The following DENND6B variants were observed in gnomAD, a reference collection of about 807,000 sequenced individuals.
DENND6B encodes the protein DENN domain containing 6B, also known as protein DENND6B.
A neutral mutation model predicts 85.1 loss-of-function variants in DENND6B; 73 were observed. That is an observed-to-expected ratio of 0.86 (90% confidence interval 0.71 to 1.04). DENND6B has a LOEUF of 1.04. Among genes scored for constraint, DENND6B ranks in the 50% least tolerant of loss-of-function variants. The pLI is 0.00. For synonymous variants in DENND6B, 357 were observed against 329.3 expected, an observed-to-expected ratio of 1.08 and a Z score of -0.91; for missense variants, 715 against 785.8, an observed-to-expected ratio of 0.91 and a Z score of 1.08.
chr22:50,317,354 A>G lies in DENND6B; in HGVS notation c.392T>C (p.Phe131Ser), dbSNP rs1389872210. The G allele has an allele frequency of 2.5e-6, 4 of 1,612,830 alleles. No homozygotes were observed. In the African/African-American group the frequency reaches 5.3e-5, roughly 22 times the overall value. ...VALQREPAHYFGYVYFRQVKD... is the reference protein window; with the variant it reads ...VALQREPAHYSGYVYFRQVKD... ...CACCTGCCTGAAGTACACGTAGCCG[A>G]AGTAGTGTGCCGGCTCCCTCTGCAA... The change falls in exon 5 of 20, where the codon TTC becomes TCC. Residue 131 changes from phenylalanine to serine, a missense_variant. Coordinates refer to ENST00000413817, the MANE Select transcript of DENND6B (RefSeq NM_001001794.4).
chr22:50,316,411 G>T lies in DENND6B; in HGVS notation c.518C>A (p.Ala173Asp). The T allele has an allele frequency of 6.3e-7, 1 of 1,588,110 alleles. No individual in the cohort carries two copies. Among genetic ancestry groups the T allele is most frequent in the Admixed American group, 1.8e-5 (1 of 56,096 alleles). The change falls in exon 6 of 20, where the codon GCC (alanine) becomes GAC (aspartate). Residue 173 changes from alanine to aspartate, a missense_variant. Ala to Asp is a moderately radical substitution (Grantham distance 126). Transcript: ENST00000413817. Reference sequence around the variant, plus strand: ...CGCCAGCTTGTCAAAGTACTCGGGGGCGATGAGGCTTAGCAGCGCTTGGAA... The same window carrying T: ...CGCCAGCTTGTCAAAGTACTCGGGGTCGATGAGGCTTAGCAGCGCTTGGAA... ...RLFQALLSLI[A>D]PEYFDKLAPC...
Position 50,312,436 on chromosome 22 carries a change from T to A in DENND6B, c.1561-19A>T. ...CGATGTTCTGCAGGGCAAGACGGGG[T>A]CTACTGTCAGCAAGGCCCCTCACTG... On this transcript the variant is annotated intron_variant, in intron 18 of 19. Transcript: ENST00000413817. 2 of 1,606,742 alleles carry A rather than the reference T, an allele frequency of 1.2e-6. No homozygotes were observed. The highest frequency in any genetic ancestry group is 1.7e-5 in the Admixed American group (1 of 59,188).
chr22:50,316,163 C>T lies in DENND6B; in HGVS notation c.639+11G>A. The T allele has an allele frequency of 6.2e-7, 1 of 1,612,504 alleles. No homozygotes were observed. Among genetic ancestry groups the T allele is most frequent in the Non-Finnish European group, 8.5e-7 (1 of 1,179,864 alleles). ...CCTGCAGAGCCTACTCCCCAGCCAG[C>T]TGGCTCTCACCTGGACAACAACGCC... On this transcript the variant is annotated intron_variant, in intron 7 of 19. Transcript: ENST00000413817.
At position 50,312,036 on chromosome 22, in the gene DENND6B, G is replaced by A; in HGVS notation, c.*103C>T. ...AGGGGAGCCTGCAGTCTGGGCGGGG[G>A]GCCAAGGAAGGGGAGCGTGTGCTTG... On this transcript the variant is annotated 3_prime_UTR_variant, in exon 20 of 20. Coordinates refer to ENST00000413817, the MANE Select transcript of DENND6B (RefSeq NM_001001794.4). 2 of 1,508,432 alleles carry A rather than the reference G, an allele frequency of 1.3e-6. No homozygotes were observed. Among genetic ancestry groups the A allele is most frequent in the East Asian group, 2.3e-5 (1 of 43,204 alleles). 93.4% of individuals were successfully genotyped at this position (1,508,432 alleles called of 1,614,324 possible).
Position 50,312,931 on chromosome 22 carries a change from G to A in DENND6B, c.1457+68C>T, listed in dbSNP as rs570248575. On this transcript the variant is annotated intron_variant, in intron 17 of 19. Transcript: ENST00000413817. Reference sequence around the variant, plus strand: ...GGGATGACCCTGGGGATTGACAGGCGGGGGGCCATGGGGCTGACCCTGTGG... The same window carrying A: ...GGGATGACCCTGGGGATTGACAGGCAGGGGGCCATGGGGCTGACCCTGTGG... The A allele has an allele frequency of 5.6e-5, 76 of 1,360,960 alleles. No individual in the cohort carries two copies. In the South Asian group the frequency reaches 7.2e-4, roughly 13 times the overall value. 84.3% of individuals were successfully genotyped at this position (1,360,960 alleles called of 1,614,324 possible).
chr22:50,326,911 G>A lies in DENND6B; in HGVS notation c.78C>T (p.Arg26=), dbSNP rs2042205322. The A allele has an allele frequency of 7.2e-7, 1 of 1,382,010 alleles. No homozygotes were observed. Among genetic ancestry groups the A allele is most frequent in the Non-Finnish European group, 9.4e-7 (1 of 1,067,812 alleles). The allele number at this position is 1,382,010 out of a possible 1,614,324, so 85.6% of individuals were successfully genotyped here. The part of the protein sequence containing the change: ...LGAAGPTSSG[R]AARTPAAPWA... ...AGGGCGCCGCCGGGGTCCGCGCCGC[G>A]CGACCTGAAGACGTGGGTCCAGCCG... Residue 26 remains arginine (R), a synonymous_variant, in exon 1 of 20, where the codon CGC becomes CGT. Coordinates refer to ENST00000413817, the MANE Select transcript of DENND6B (RefSeq NM_001001794.4).
Position 50,314,794 on chromosome 22 carries a change from G to A in DENND6B, c.881+5C>T, listed in dbSNP as rs376384403. On this transcript the variant is annotated splice_donor_5th_base_variant and intron_variant, in intron 10 of 19. Transcript: ENST00000413817. ...TCCCCAGCCGGGACCGGGCCAAGGC[G>A]ATACCTGGTCAAGGCCAGCACCATC... 518 of 1,602,564 alleles carry A rather than the reference G, an allele frequency of 3.2e-4. 6 individuals are homozygous for A. In the South Asian group the frequency reaches 4.4e-3, roughly 14 times the overall value.
rs1439864641 is a variant in DENND6B, at chr22:50,310,333, C to T, written c.*1806G>A. ...CATCCTTGGACCCTGCACCAGACAT[C>T]TGGGGCTTAACAGCTCCCCTTGGTC... On this transcript the variant is annotated 3_prime_UTR_variant, in exon 20 of 20. Transcript: ENST00000413817. 6.6e-6 allele frequency: 1 copy of T among 152,344 alleles called. No individual in the cohort carries two copies. The highest frequency in any genetic ancestry group is 1.5e-5 in the Non-Finnish European group (1 of 68,096). The allele number at this position is 152,344 out of a possible 1,614,324, so 9.4% of individuals were successfully genotyped here.
Position 50,309,272 on chromosome 22 carries a change from C to G in DENND6B, c.*2867G>C, listed in dbSNP as rs1279223517. On this transcript the variant is annotated 3_prime_UTR_variant, in exon 20 of 20. Coordinates refer to ENST00000413817, the MANE Select transcript of DENND6B (RefSeq NM_001001794.4). ...GGAGGCCTGTGACCACAGCAGTCCT[C>G]ACCCTCGCCAACTAAGTTCTGCCCA... is the stretch of plus-strand genomic sequence containing the variant. 1 of 152,346 alleles carries G rather than the reference C, an allele frequency of 6.6e-6. No homozygotes were observed. The highest frequency in any genetic ancestry group is 6.5e-5 in the Admixed American group (1 of 15,294). The allele number at this position is 152,346 out of a possible 1,614,324, so 9.4% of individuals were successfully genotyped here.
chr22:50,312,286 C>T (rs755442584), intron 19 of DENND6B, 25 bp from the exon 20 acceptor site: 2 of 1,611,522 alleles, frequency 1.2e-6, no homozygotes, highest in Non-Finnish European at 1.7e-6. Context: ...ATGGTCAGGG[C>T]AGGCGCAGCT....
Position 50,314,349 on chromosome 22 carries a change from A to T in DENND6B, c.1072+51T>A, listed in dbSNP as rs371143305. 54 of 1,577,920 alleles carry T rather than the reference A, an allele frequency of 3.4e-5. No homozygotes were observed. In the African/African-American group the frequency reaches 6.1e-4, roughly 18 times the overall value. On this transcript the variant is annotated intron_variant, in intron 12 of 19. Transcript: ENST00000413817. ...CCCACGGGCTCTGAGGCGGCCCCAC[A>T]CTCAACGAGGCTTCTGAGCAGCACC...
chr22:50,319,284 G>T (rs2041964947), intron 1 of DENND6B: 1 of 985,136 alleles, frequency 1.0e-6, no homozygotes, highest in Admixed American at 6.2e-5. Flanking sequence ...TCCTATCTCT[G>T]ACCTCCAGGC....
Position 50,314,833 on chromosome 22 carries a change from C to T in DENND6B, c.847G>A (p.Asp283Asn), listed in dbSNP as rs201272848. 3.9e-5 allele frequency: 63 copies of T among 1,610,758 alleles called. No homozygotes were observed. The highest frequency in any genetic ancestry group is 4.7e-5 in the Non-Finnish European group (56 of 1,179,024). ...GCCAGCACCATCTCCGAGGACACGT[C>T]GGGCGAGGGTGCCAGGACTAGCAGG... The part of the protein sequence containing the change: ...EPLLVLAPSP[D>N]VSSEMVLALT... The change falls in exon 10 of 20, where the codon GAC becomes AAC. Residue 283 changes from aspartate to asparagine, a missense_variant. Coordinates refer to ENST00000413817, the MANE Select transcript of DENND6B (RefSeq NM_001001794.4).
intron 1 of DENND6B, chr22:50,319,206 C>A: frequency 2.0e-6 from 3 of 1,487,722 alleles, no homozygotes; most frequent in Non-Finnish European, 2.7e-6. Context: ...CTCTGTGTTC[C>A]AACAGCATGC....
At position 50,316,036 on chromosome 22, in the gene DENND6B, A is replaced by C; in HGVS notation, c.691T>G (p.Phe231Val). The C allele has an allele frequency of 6.2e-7, 1 of 1,612,664 alleles. No homozygotes were observed. The highest frequency in any genetic ancestry group is 8.5e-7 in the Non-Finnish European group (1 of 1,179,840). ...DKSESSPPKQ[F>V]DQENLLPAPV... The stretch of plus-strand genomic sequence containing the variant: ...GCCTCAGCTCCCACCTCTTGGTCAA[A>C]CTGCTTCGGAGGACTGGACTCGGAC... The change falls in exon 8 of 20, where the codon TTT becomes GTT. Residue 231 changes from phenylalanine (F) to valine (V), a missense_variant. Transcript: ENST00000413817.
At chr22:50,321,224 T>A (rs1054439334) in intron 1 of DENND6B, among the ~76,000 whole-genome samples, 1 of 152,110 alleles carries the variant, frequency 6.6e-6, no homozygotes, top group Non-Finnish European at 1.5e-5. Context: ...GCCCTTCTCC[T>A]GTGTGAGAGC....
intron 1 of DENND6B, among the ~76,000 whole-genome samples, chr22:50,325,815 GA>G (rs1447041580): frequency 6.6e-6 from 1 of 152,212 alleles, no homozygotes; most frequent in Non-Finnish European, 1.5e-5. Flanking sequence ...GGGCTCCAGA[GA>G]GTGCTAGAGT....
intron 1 of DENND6B, among the ~76,000 whole-genome samples, chr22:50,322,848 C>T (rs1339560409): frequency 7.3e-6 from 1 of 136,080 alleles, no homozygotes. Context: ...CCGTGCCCAG[C>T]CTTATTTTTT....
chr22:50,311,033 C>G lies in DENND6B; in HGVS notation c.*1106G>C, dbSNP rs533681500. On this transcript the variant is annotated 3_prime_UTR_variant, in exon 20 of 20. Transcript: ENST00000413817. ...CCTCACAGGGTACAAAGCCCAGTCT[C>G]CATGAGTGGCCCTCCCAGCACCCTG... 1 of 152,388 alleles carries G rather than the reference C, an allele frequency of 6.6e-6. No homozygotes were observed. Among genetic ancestry groups the G allele is most frequent in the South Asian group, 2.1e-4 (1 of 4,830 alleles). The allele number at this position is 152,388 out of a possible 1,614,324, so 9.4% of individuals were successfully genotyped here.
Sources: gnomAD v4.1 joint callset for allele counts (sites outside exome capture counted in the v4.1 genomes callset) on GRCh38, gnomAD v4.1.1 for gene constraint, MANE v1.5 for transcripts, NCBI Gene and HGNC (gene_info 2026-07-23, HGNC 2026-07-21) for gene names.